Variants in MTSS1 observed in about 807,000 individuals in gnomAD.
The protein encoded by MTSS1 is MTSS I-BAR domain containing 1, also known as protein MTSS 1.
MTSS1 carries 18 observed loss-of-function variants against 79.0 expected under a neutral mutation model. That is an observed-to-expected ratio of 0.23 (90% CI 0.16 to 0.34). The LOEUF (loss-of-function observed/expected upper bound fraction) is 0.34, where lower values mean the gene tolerates loss of function less well. Ranked by LOEUF, MTSS1 falls within the 10% of genes least tolerant of loss-of-function variation. MTSS1 has a pLI of 1.00. For missense variants in MTSS1, 815 were observed against 986.2 expected (o/e 0.83, Z 2.33); for synonymous variants, 341 against 368.6 (o/e 0.93, Z 0.86).
In MTSS1 at chr8:124,553,040, T is replaced by C. The variant is rs17852170; in HGVS notation, c.2220A>G (p.Lys740=). 1 of 1,614,022 alleles carries C rather than the reference T, an allele frequency of 6.2e-7. No individual in the cohort carries two copies. The highest frequency in any genetic ancestry group is 1.7e-5 in the Admixed American group (1 of 59,994). The change falls in exon 14 of 14, where the codon AAA becomes AAG. Residue 740 remains lysine (K), a synonymous_variant. Coordinates refer to ENST00000518547, the MANE Select transcript of MTSS1 (RefSeq NM_014751.6). The surrounding 1 kb of genome is among the most constrained non-coding windows in gnomAD (Gnocchi z 6.0). ...DMLNAIRRGV[K]LKKTTTNDRS... Reference sequence around the variant, plus strand: ...GATCGTTTGTCGTGGTCTTCTTCAGTTTCACGCCCCTTCGGATGGCGTTCA... The same window carrying C: ...GATCGTTTGTCGTGGTCTTCTTCAGCTTCACGCCCCTTCGGATGGCGTTCA...
chr8:124,674,731 C>T (rs1824962046), intron 3 of MTSS1, among the ~76,000 whole-genome samples: 1 of 149,258 alleles, frequency 6.7e-6, no homozygotes, highest in East Asian at 2.0e-4. Flanking sequence ...TCTTATCATT[C>T]TTTTTTTTTT....
intron 6 of MTSS1, among the ~76,000 whole-genome samples, chr8:124,571,615 T>G (rs1827791687): frequency 6.6e-6 from 1 of 151,926 alleles, no homozygotes; most frequent in African/African-American, 2.4e-5. Context: ...TTGAGACACA[T>G]TGTGTTTGAC....
chr8:124,552,771 C>A lies in MTSS1; in HGVS notation c.*221G>T. On this transcript the variant is annotated 3_prime_UTR_variant, in exon 14 of 14. Transcript: ENST00000518547. ...AAAGGGAAACTAAGATTAAAATGTG[C>A]AGAAAGAAAATTGTCAATATTTACA... 1 of 477,576 alleles carries A rather than the reference C, an allele frequency of 2.1e-6. No homozygotes were observed. Among genetic ancestry groups the A allele is most frequent in the East Asian group, 3.1e-5 (1 of 32,086 alleles). The allele number at this position is 477,576 out of a possible 1,614,324, so 29.6% of individuals were successfully genotyped here.
rs548252196 is a variant in MTSS1 at position 124,566,828 on chromosome 8, A to AAAACAAGCATAATC, written c.726+229_726+242dup. 7.2e-5 allele frequency among the ~76,000 whole-genome samples: 11 copies of AAAACAAGCATAATC among 152,352 alleles called. No individual in the cohort carries two copies. The East Asian group carries it at 2.1e-3, about 29-fold the overall frequency. ...TCAGTGCCTCTGCATCATTCTCTAT[A>AAAACAAGCATAATC]AAACAAGCATAATCATGAAGATGAA... On this transcript the variant is annotated intron_variant, in intron 8 of 13. Coordinates refer to ENST00000518547, the MANE Select transcript of MTSS1 (RefSeq NM_014751.6).
chr8:124,589,645 G>A lies in MTSS1; in HGVS notation c.360C>T (p.Asn120=), dbSNP rs1180727607. 6.2e-7 allele frequency: 1 copy of A among 1,613,454 alleles called. No individual in the cohort carries two copies. The highest frequency in any genetic ancestry group is 8.5e-7 in the Non-Finnish European group (1 of 1,179,720). The change falls in exon 5 of 14, where the codon AAC becomes AAT. Residue 120 remains asparagine, a synonymous_variant. Transcript: ENST00000518547. ...EQMEEWKKVA[N]QLDKDHAKEY... is the part of the protein sequence containing the mutation. ...CTTTTGCGTGGTCTTTATCCAGCTGGTTGGCCACTTTCTTCCATTCTTCCA... is the reference window on the plus strand; with the variant it reads ...CTTTTGCGTGGTCTTTATCCAGCTGATTGGCCACTTTCTTCCATTCTTCCA...
chr8:124,583,513 T>A (rs987023982), intron 6 of MTSS1, among the ~76,000 whole-genome samples: 1 of 152,136 alleles, frequency 6.6e-6, no homozygotes, highest in African/African-American at 2.4e-5. Context: ...TGACTTTGAG[T>A]GACAGAGGAC....
At chr8:124,604,735 G>C (rs16899848) in intron 3 of MTSS1, among the ~76,000 whole-genome samples, 26,774 of 152,060 alleles carry the variant, frequency 0.18, 2,569 homozygotes, top group East Asian at 0.32. Context: ...ATTTTTGGAA[G>C]ACACCATTGT....
chr8:124,725,180 T>C (rs564996690), intron 1 of MTSS1, among the ~76,000 whole-genome samples: 1 of 152,246 alleles, frequency 6.6e-6, no homozygotes, highest in African/African-American at 2.4e-5. Context: ...AAAGTCAGGA[T>C]TTCTTCCACA....
chr8:124,653,576 T>C (rs1385394696), intron 3 of MTSS1, among the ~76,000 whole-genome samples: 2 of 151,954 alleles, frequency 1.3e-5, no homozygotes, highest in Admixed American at 6.6e-5. Flanking sequence ...ATACAAAAAT[T>C]AGCTGGGCAT....
chr8:124,685,672 A>C (rs1386578359), intron 3 of MTSS1, among the ~76,000 whole-genome samples: 4 of 152,250 alleles, frequency 2.6e-5, no homozygotes, highest in African/African-American at 7.2e-5. Flanking sequence ...CAAAAACCCC[A>C]CATTCATTCA....
At position 124,643,035 on chromosome 8, in the gene MTSS1, G is replaced by A. The variant is rs113952420; in HGVS notation, c.209-51800C>T. On this transcript the variant is annotated intron_variant, in intron 3 of 13. Transcript: ENST00000518547. Reference sequence around the variant, plus strand: ...AATAAGTTCTCAATCCATGGTAGCTGCTATTCTTCTTTTTCTCTGCATAAT... The same window carrying A: ...AATAAGTTCTCAATCCATGGTAGCTACTATTCTTCTTTTTCTCTGCATAAT... Among the ~76,000 whole-genome samples, 141 of 152,316 alleles carry A rather than the reference G, an allele frequency of 9.3e-4. 1 individual carries two copies. Among genetic ancestry groups the A allele is most frequent in the African/African-American group, 3.0e-3 (124 of 41,580 alleles).
chr8:124,568,436 A>C lies in MTSS1; in HGVS notation c.561T>G (p.Ala187=), dbSNP rs1449417500. 6.2e-7 allele frequency: 1 copy of C among 1,614,092 alleles called. No individual in the cohort carries two copies. Among genetic ancestry groups the C allele is most frequent in the African/African-American group, 1.3e-5 (1 of 74,926 alleles). ...EETEKQAVRK[A]LIEERGRFCT... ...AGAATCGGCCACGTTCTTCAATCAA[A>C]GCCTTCCGGACAGCCTGCTTTTCTG... is the stretch of plus-strand genomic sequence containing the variant. Residue 187 remains alanine (A), a synonymous_variant, in exon 7 of 14, where the codon GCT becomes GCG. Coordinates refer to ENST00000518547, the MANE Select transcript of MTSS1 (RefSeq NM_014751.6).
chr8:124,571,222 C>T (rs947726124), intron 6 of MTSS1, among the ~76,000 whole-genome samples: 2 of 152,258 alleles, frequency 1.3e-5, no homozygotes, highest in Admixed American at 1.3e-4. Flanking sequence ...TTCACAGAGA[C>T]CCACCACCTG....
At chr8:124,703,681 C>T (rs1222087211) in intron 2 of MTSS1, among the ~76,000 whole-genome samples, 4 of 152,136 alleles carry the variant, frequency 2.6e-5, no homozygotes, top group Non-Finnish European at 5.9e-5. Context: ...AAGTTCAAAT[C>T]CTTGCTCTGC....
At chr8:124,656,795 A>G (rs1027036401) in intron 3 of MTSS1, among the ~76,000 whole-genome samples, 55 of 150,938 alleles carry the variant, frequency 3.6e-4, no homozygotes, top group Non-Finnish European at 6.6e-4. Flanking sequence ...AAAAAAAAAA[A>G]AAAAGAAAAA....
At chr8:124,561,154 G>A (rs576319400) in intron 10 of MTSS1, among the ~76,000 whole-genome samples, 56 of 152,212 alleles carry the variant, frequency 3.7e-4, no homozygotes, top group Non-Finnish European at 5.6e-4. Flanking sequence ...CCTAGTGGCC[G>A]GGCGCGGTGG....
intron 3 of MTSS1, among the ~76,000 whole-genome samples, chr8:124,637,697 G>A (rs937606306): frequency 1.3e-5 from 2 of 152,176 alleles, no homozygotes; most frequent in Non-Finnish European, 2.9e-5. Context: ...GTCACATTTG[G>A]GTCTCAGATT....
intron 1 of MTSS1, among the ~76,000 whole-genome samples, chr8:124,714,455 G>A (rs894918844): frequency 6.6e-6 from 1 of 151,972 alleles, no homozygotes; most frequent in African/African-American, 2.4e-5. Context: ...AGTTTGCTCA[G>A]TTGTTTTTGT....
intron 11 of MTSS1, among the ~76,000 whole-genome samples, chr8:124,557,106 G>A (rs1180502284): frequency 1.3e-5 from 2 of 152,188 alleles, no homozygotes; most frequent in Non-Finnish European, 2.9e-5. Flanking sequence ...CATTTTCAAA[G>A]TTCGTCTTTA....
Sources: gnomAD v4.1 joint callset for allele counts (sites outside exome capture counted in the v4.1 genomes callset) on GRCh38, gnomAD v4.1.1 for gene constraint, Gnocchi (gnomAD v3.1) non-coding constraint, MANE v1.5 for transcripts, NCBI Gene and HGNC (gene_info 2026-07-23, HGNC 2026-07-21) for gene names.